Variants in TRIM36 observed in about 807,000 individuals in gnomAD.
TRIM36 encodes the protein tripartite motif containing 36.
In TRIM36, 42 loss-of-function variants were observed where a neutral mutation model predicts 72.4. The observed-to-expected ratio is 0.58, with a 90% CI of 0.45 to 0.75. The LOEUF (loss-of-function observed/expected upper bound fraction) is 0.75. Ranked by LOEUF, TRIM36 falls within the 30% of genes least tolerant of loss-of-function variation. The pLI, the probability that TRIM36 is intolerant of heterozygous loss-of-function variation, is 0.00. For synonymous variants in TRIM36, 315 were observed against 282.8 expected, an observed-to-expected ratio of 1.11 and a Z score of -1.14; for missense variants, 913 against 857.1, an observed-to-expected ratio of 1.07 and a Z score of -0.81.
chr5:115,161,183 GGTAT>G (rs1056125537), intron 2 of TRIM36, among the ~76,000 whole-genome samples: 1 of 149,070 alleles, frequency 6.7e-6, no homozygotes, highest in Non-Finnish European at 1.5e-5. Context: ...AATGCTAAGG[GGTAT>G]GTGTCTTTAA....
chr5:115,176,789 T>C (rs80164712), intron 1 of TRIM36, among the ~76,000 whole-genome samples: 42,845 of 151,904 alleles, frequency 0.28, 6,045 homozygotes, highest in Middle Eastern at 0.31. Flanking sequence ...GAAACCTCTC[T>C]TTTAATCCAA....
At chr5:115,141,509 T>C (rs1753274104) in intron 4 of TRIM36, 135 bp from the exon 5 acceptor site, 2 of 506,050 alleles carry the variant, frequency 4.0e-6, no homozygotes, top group South Asian at 3.6e-5. Context: ...ACTATGGCAA[T>C]TATCATTATT....
chr5:115,137,416 T>C lies in TRIM36; in HGVS notation c.1032A>G (p.Leu344=). 1.9e-6 allele frequency: 3 copies of C among 1,614,136 alleles called. No individual in the cohort carries two copies. Among genetic ancestry groups the C allele is most frequent in the South Asian group, 1.1e-5 (1 of 91,068 alleles). Residue 344 remains leucine (L), a synonymous_variant, in exon 6 of 10, where the codon CTA becomes CTG. Transcript: ENST00000513154. The part of the protein sequence containing the change: ...NGLVGYAQEV[L]KETDQSCFVQ... ...CAAAGCAAGACTGATCTGTCTCCTT[T>C]AGCACTTCTTGAGCATATCCCACAA...
At chr5:115,152,119 A>C (rs560611409) in intron 2 of TRIM36, among the ~76,000 whole-genome samples, 77 of 152,356 alleles carry the variant, frequency 5.1e-4, no homozygotes, top group Non-Finnish European at 9.6e-4. Flanking sequence ...AATCCAAAAA[A>C]TGATACAAGA....
At chr5:115,159,863 T>G (rs17137495) in intron 2 of TRIM36, among the ~76,000 whole-genome samples, 5 of 152,142 alleles carry the variant, frequency 3.3e-5, no homozygotes, top group Admixed American at 3.3e-4. Context: ...TCAAGCAATC[T>G]TATTACAATC....
intron 3 of TRIM36, among the ~76,000 whole-genome samples, chr5:115,145,723 C>A (rs1020873912): frequency 6.6e-6 from 1 of 151,920 alleles, no homozygotes; most frequent in Non-Finnish European, 1.5e-5. Context: ...TTAAAAGGAA[C>A]GAACAAAAAG....
Position 115,126,497 on chromosome 5 carries a change from T to C in TRIM36, c.*6A>G. On this transcript the variant is annotated 3_prime_UTR_variant, in exon 10 of 10. Coordinates refer to ENST00000513154, the MANE Select transcript of TRIM36 (RefSeq NM_001300759.2). ...TTTTTATCCTGAGTCACATCAGATG[T>C]TTCAACTACATGTCCTCTTGGTATT... 6.3e-7 allele frequency: 1 copy of C among 1,599,192 alleles called. No homozygotes were observed. Among genetic ancestry groups the C allele is most frequent in the Middle Eastern group, 1.7e-4 (1 of 6,002 alleles).
intron 2 of TRIM36, 65 bp from the exon 3 acceptor site, chr5:115,147,459 G>C (rs531325486): frequency 1.3e-6 from 2 of 1,521,920 alleles, no homozygotes; most frequent in South Asian, 2.5e-5. Context: ...GAAGAAAAGA[G>C]GAGTCATGTC....
chr5:115,156,487 G>T lies in TRIM36; in HGVS notation c.262+7031C>A, dbSNP rs372038419. On this transcript the variant is annotated intron_variant, in intron 2 of 9. Coordinates refer to ENST00000513154, the MANE Select transcript of TRIM36 (RefSeq NM_001300759.2). ...AATAGGCACATAGACCAATGGAACA[G>T]AATAGAGAACCCAGAAATAACCCAA... Among the ~76,000 whole-genome samples the T allele has an allele frequency of 2.6e-5, 4 of 152,288 alleles. No homozygotes were observed. The East Asian group carries it at 7.7e-4, about 29-fold the overall frequency.
chr5:115,134,730 C>T (rs1031160258), intron 7 of TRIM36, among the ~76,000 whole-genome samples: 7 of 152,030 alleles, frequency 4.6e-5, no homozygotes, highest in African/African-American at 7.2e-5. Flanking sequence ...TTAGTAGAAA[C>T]AGGGTTTCAC....
chr5:115,159,990 G>C (rs1754391574), intron 2 of TRIM36, among the ~76,000 whole-genome samples: 1 of 149,382 alleles, frequency 6.7e-6, no homozygotes, highest in South Asian at 2.1e-4. Flanking sequence ...TCTTTTGTTT[G>C]ACTTTTTACT....
rs1004339989 is a variant in TRIM36, at chr5:115,137,041, T to C, written c.1169A>G (p.Lys390Arg). 1 of 1,610,160 alleles carries C rather than the reference T, an allele frequency of 6.2e-7. No individual in the cohort carries two copies. Among genetic ancestry groups the C allele is most frequent in the Non-Finnish European group, 8.5e-7 (1 of 1,178,658 alleles). Residue 390 changes from lysine (K) to arginine (R), a missense_variant, in exon 7 of 10, where the codon AAA becomes AGA. Transcript: ENST00000513154. ...TAATTCTCCAAGAAGTTCTGTTTGT[T>C]TAGAGGTATTAACAACATAGTCTTC... ...SFEDYVVNTSKQTELLGELSF... is the reference protein window; with the variant it reads ...SFEDYVVNTSRQTELLGELSF...
chr5:115,140,746 T>C (rs918723217), intron 5 of TRIM36, among the ~76,000 whole-genome samples: 4 of 152,204 alleles, frequency 2.6e-5, no homozygotes, highest in African/African-American at 9.7e-5. Flanking sequence ...TCATTCATTC[T>C]TATTGCTATT....
intron 3 of TRIM36, among the ~76,000 whole-genome samples, chr5:115,145,927 G>A (rs1057389771): frequency 3.9e-5 from 6 of 152,144 alleles, no homozygotes; most frequent in African/African-American, 1.4e-4. Context: ...CATAGCATTT[G>A]CCTATACCAT....
chr5:115,144,107 C>A (rs1003680734), intron 4 of TRIM36, among the ~76,000 whole-genome samples: 1 of 152,006 alleles, frequency 6.6e-6, no homozygotes, highest in Non-Finnish European at 1.5e-5. Flanking sequence ...ATCTCCTGAC[C>A]TCGTGATCCG....
At chr5:115,172,012 C>A (rs1304986588), upstream of TRIM36, among the ~76,000 whole-genome samples, 1 of 152,166 alleles carries the variant, frequency 6.6e-6, no homozygotes, top group Non-Finnish European at 1.5e-5. Context: ...AAGCCTAATT[C>A]TTTCAGAGTA....
At chr5:115,153,081 AG>A (rs1490445702) in intron 2 of TRIM36, among the ~76,000 whole-genome samples, 1 of 152,240 alleles carries the variant, frequency 6.6e-6, no homozygotes, top group Non-Finnish European at 1.5e-5. Flanking sequence ...ACTTAAAAAA[AG>A]ACAAAGAATT....
intron 1 of TRIM36, among the ~76,000 whole-genome samples, chr5:115,164,125 C>T (rs1754635388): frequency 6.6e-6 from 1 of 152,152 alleles, no homozygotes; most frequent in African/African-American, 2.4e-5. Flanking sequence ...TTGAATACAG[C>T]ACTAAGAGTA....
At chr5:115,157,174 C>T (rs545294960) in intron 2 of TRIM36, among the ~76,000 whole-genome samples, 6 of 150,844 alleles carry the variant, frequency 4.0e-5, no homozygotes, top group South Asian at 4.2e-4. Flanking sequence ...TAGATGTTGG[C>T]GTGGATGCAG....
Sources: allele counts gnomAD v4.1 joint callset (sites outside exome capture counted in the v4.1 genomes callset), GRCh38; gene constraint gnomAD v4.1.1; transcripts MANE v1.5; gene names NCBI Gene and HGNC (gene_info 2026-07-23, HGNC 2026-07-21).